Variants in CSMD1 observed in about 807,000 individuals in gnomAD.
CSMD1 encodes the protein CUB and sushi domain-containing protein 1.
In CSMD1, 213 loss-of-function variants were observed where a neutral mutation model predicts 417.5. The observed-to-expected ratio is 0.51, with a 90% CI of 0.46 to 0.57. CSMD1 has a LOEUF of 0.57. Ranked by LOEUF, CSMD1 falls within the 20% of genes least tolerant of loss-of-function variation. The pLI is 0.00. For synonymous variants in CSMD1, 2,862 were observed against 1,736.8 expected, an observed-to-expected ratio of 1.65 and a Z score of -16.11; for missense variants, 6,923 against 4,529.7, an observed-to-expected ratio of 1.53 and a Z score of -15.17.
chr8:2,963,464 C>A, intron 59 of CSMD1, 69 bp from the exon 60 acceptor site: 1 of 1,492,364 alleles, frequency 6.7e-7, no homozygotes. Flanking sequence ...TCAAACGATT[C>A]CCATTTTAAT....
intron 1 of CSMD1, among the ~76,000 whole-genome samples, chr8:4,974,116 G>A (rs1810406505): frequency 6.6e-6 from 1 of 152,056 alleles, no homozygotes; most frequent in South Asian, 2.1e-4. Flanking sequence ...CGCCTCTTGG[G>A]CTTGATTCTT....
chr8:3,959,683 G>C (rs779131636), intron 5 of CSMD1, among the ~76,000 whole-genome samples: 3 of 152,092 alleles, frequency 2.0e-5, no homozygotes, highest in Non-Finnish European at 4.4e-5. Flanking sequence ...TAGTACAGCA[G>C]GTAAGTTTCT....
intron 10 of CSMD1, among the ~76,000 whole-genome samples, chr8:3,496,255 T>C (rs1280427943): frequency 6.6e-6 from 1 of 152,210 alleles, no homozygotes; most frequent in Non-Finnish European, 1.5e-5. Flanking sequence ...AAAGCCAGTC[T>C]CTTTGCCAAA....
intron 17 of CSMD1, among the ~76,000 whole-genome samples, chr8:3,389,288 G>A (rs1028070975): frequency 1.3e-5 from 2 of 151,994 alleles, no homozygotes; most frequent in East Asian, 1.9e-4. Flanking sequence ...CCTCTGATAG[G>A]CCCCAGTGTG....
intron 3 of CSMD1, among the ~76,000 whole-genome samples, chr8:4,282,664 A>G (rs1796852781): frequency 6.6e-6 from 1 of 152,198 alleles, no homozygotes; most frequent in African/African-American, 2.4e-5. Context: ...TTATTTGAAT[A>G]CCAGTTAGGA....
chr8:4,431,133 G>A (rs1797847880), intron 2 of CSMD1, among the ~76,000 whole-genome samples: 1 of 152,044 alleles, frequency 6.6e-6, no homozygotes, highest in Admixed American at 6.6e-5. Flanking sequence ...AGAAAAAGAG[G>A]TGAGGCTCTA....
intron 3 of CSMD1, among the ~76,000 whole-genome samples, chr8:4,154,994 G>A (rs1036340101): frequency 5.3e-5 from 8 of 152,108 alleles, no homozygotes; most frequent in Admixed American, 2.0e-4. Flanking sequence ...CCAGAAACAC[G>A]ACTGCAAGTT....
In CSMD1 at chr8:4,032,016, T is replaced by C. The variant is rs1390700896; in HGVS notation, c.499A>G (p.Ile167Val). The change falls in exon 4 of 70, where the codon ATC becomes GTC. Residue 167 changes from isoleucine (I) to valine (V), a missense_variant. By Grantham distance (29) the Ile-to-Val change is conservative. Coordinates refer to ENST00000635120, the MANE Select transcript of CSMD1 (RefSeq NM_033225.6). ...HGTRFNIGDK[I>V]RYSCLPGYIL... ...TAGCCAGGGAGGCAGCTGTACCGGA[T>C]TTTGTCTCCTATGTTGAATCTCGTT... 1.2e-5 allele frequency: 19 copies of C among 1,613,948 alleles called. No homozygotes were observed. The South Asian group carries it at 1.2e-4, about 10-fold the overall frequency.
At chr8:4,898,465 A>G (rs1804649890) in intron 1 of CSMD1, among the ~76,000 whole-genome samples, 1 of 152,152 alleles carries the variant, frequency 6.6e-6, no homozygotes, top group African/African-American at 2.4e-5. Flanking sequence ...AGTGTAAGTG[A>G]GAGCCGACCA....
intron 5 of CSMD1, among the ~76,000 whole-genome samples, chr8:3,981,361 G>C (rs1585072895): frequency 6.6e-6 from 1 of 152,028 alleles, no homozygotes; most frequent in African/African-American, 2.4e-5. Flanking sequence ...TGGAAGGGGG[G>C]TGAAGGATAA....
At chr8:3,676,034 C>T (rs1275800511) in intron 7 of CSMD1, among the ~76,000 whole-genome samples, 2 of 152,164 alleles carry the variant, frequency 1.3e-5, no homozygotes, top group Non-Finnish European at 2.9e-5. Flanking sequence ...TCATTTATGA[C>T]AAATATAGGC....
intron 10 of CSMD1, among the ~76,000 whole-genome samples, chr8:3,523,628 C>T (rs1047284311): frequency 2.0e-5 from 3 of 152,006 alleles, no homozygotes; most frequent in African/African-American, 7.3e-5. Context: ...CATGCATGCA[C>T]ACCGAGACAC....
intron 10 of CSMD1, among the ~76,000 whole-genome samples, chr8:3,536,053 G>C (rs1798184154): frequency 6.6e-6 from 1 of 152,190 alleles, no homozygotes; most frequent in Non-Finnish European, 1.5e-5. Context: ...CATAGTCACA[G>C]GTCCTGGCCA....
chr8:4,234,561 A>T (rs1436455506), intron 3 of CSMD1, among the ~76,000 whole-genome samples: 1 of 152,190 alleles, frequency 6.6e-6, no homozygotes, highest in Non-Finnish European at 1.5e-5. Flanking sequence ...CCGTTCCTTT[A>T]GTACAATTCT....
chr8:3,848,055 C>T (rs1198565612), intron 5 of CSMD1, among the ~76,000 whole-genome samples: 2 of 148,392 alleles, frequency 1.3e-5, no homozygotes, highest in African/African-American at 2.6e-5. Flanking sequence ...ATCTTCTTAC[C>T]ATCCTGGTGA....
intron 3 of CSMD1, among the ~76,000 whole-genome samples, chr8:4,230,822 C>A (rs952978686): frequency 1.3e-5 from 2 of 151,988 alleles, no homozygotes. Context: ...TTTGCAGTGT[C>A]ACAATGTATT....
chr8:4,896,151 C>A (rs556798506), intron 1 of CSMD1, among the ~76,000 whole-genome samples: 1 of 152,008 alleles, frequency 6.6e-6, no homozygotes, highest in African/African-American at 2.4e-5. Context: ...TTTTTTTAAA[C>A]ATTTGAAAGA....
intron 3 of CSMD1, among the ~76,000 whole-genome samples, chr8:4,088,223 T>A (rs554427461): frequency 1.3e-5 from 2 of 152,284 alleles, no homozygotes; most frequent in East Asian, 3.9e-4. Context: ...GATCTCTGCC[T>A]TCCTGGCTCT....
chr8:3,348,465 C>T (rs1233228534), intron 21 of CSMD1, among the ~76,000 whole-genome samples: 1 of 152,188 alleles, frequency 6.6e-6, no homozygotes, highest in South Asian at 2.1e-4. Context: ...CACCATGGCT[C>T]ACTGGCTGTG....
Sources: gnomAD v4.1 joint callset for allele counts (sites outside exome capture counted in the v4.1 genomes callset) on GRCh38, gnomAD v4.1.1 for gene constraint, MANE v1.5 for transcripts, NCBI Gene and HGNC (gene_info 2026-07-23, HGNC 2026-07-21) for gene names.